The following PTBP2 variants were observed in gnomAD, a reference collection of about 807,000 sequenced individuals.
PTBP2 encodes polypyrimidine tract binding protein 2.
Under a neutral mutation model 61.4 loss-of-function variants are expected in PTBP2, and 13 were observed. That is an observed-to-expected ratio of 0.21 (90% CI 0.14 to 0.34). The LOEUF (loss-of-function observed/expected upper bound fraction) is 0.34, where lower values mean the gene tolerates loss of function less well. Ranked by LOEUF, PTBP2 falls within the 10% of genes least tolerant of loss-of-function variation. The pLI, the probability that PTBP2 is intolerant of heterozygous loss-of-function variation, is 1.00. For synonymous variants in PTBP2, 215 were observed against 218.5 expected, an observed-to-expected ratio of 0.98 and a Z score of 0.14; for missense variants, 405 against 642.6, an observed-to-expected ratio of 0.63 and a Z score of 4.00.
chr1:96,777,231 A>G (rs1005482710), intron 5 of PTBP2, among the ~76,000 whole-genome samples: 1 of 152,162 alleles, frequency 6.6e-6, no homozygotes, highest in Non-Finnish European at 1.5e-5. Context: ...TGGAGTGATT[A>G]ATGTTAAAGT....
intron 8 of PTBP2, among the ~76,000 whole-genome samples, chr1:96,786,003 T>C (rs1481498592): frequency 5.9e-5 from 9 of 152,144 alleles, no homozygotes; most frequent in Non-Finnish European, 1.2e-4. Flanking sequence ...TAGAGTTTCC[T>C]TTTATTTGAT....
In PTBP2 at chr1:96,758,201, T is replaced by A. The variant is rs543306486; in HGVS notation, c.115+6701T>A. Among the ~76,000 whole-genome samples, 4 of 152,052 alleles carry A rather than the reference T, an allele frequency of 2.6e-5. No homozygotes were observed. In the South Asian group the frequency reaches 8.3e-4, roughly 31 times the overall value. ...TCAGCAACTTAGATGAAAAGTTTCT[T>A]GACAAATGCAAAACTGACTTAAGTA... is the stretch of plus-strand genomic sequence containing the variant. On this transcript the variant is annotated intron_variant, in intron 3 of 13. Transcript: ENST00000674951.
rs531730536 is a variant in PTBP2, at chr1:96,761,722, CTG to C, written c.116-7979_116-7978del. 2.1e-3 allele frequency among the ~76,000 whole-genome samples: 312 copies of C among 149,232 alleles called. 1 individual carries two copies. The highest frequency in any genetic ancestry group is 4.0e-3 in the Non-Finnish European group (272 of 67,876). ...GAAAAAAGAATAATCCGCTACTGTT[CTG>C]TTTTTTTTTGTTTGTTTTTTGTTTT... On this transcript the variant is annotated intron_variant, in intron 3 of 13. Transcript: ENST00000674951.
intron 4 of PTBP2, 134 bp from the exon 5 acceptor site, chr1:96,770,574 G>C (rs3762409): frequency 8.5e-6 from 7 of 827,348 alleles, no homozygotes; most frequent in Non-Finnish European, 1.3e-5. Context: ...TTCTAATTCT[G>C]CTTATCAGAA....
intron 2 of PTBP2, among the ~76,000 whole-genome samples, chr1:96,746,209 T>G (rs111564204): frequency 4.6e-5 from 7 of 152,328 alleles, no homozygotes; most frequent in African/African-American, 1.7e-4. Context: ...TATATATTAC[T>G]AGTGTGTAAA....
At chr1:96,783,241 T>A in intron 7 of PTBP2, among the ~76,000 whole-genome samples, 1 of 152,060 alleles carries the variant, frequency 6.6e-6, no homozygotes, top group Admixed American at 6.6e-5. Context: ...ATTTTTGCTC[T>A]CATACACCCT....
At chr1:96,776,980 T>C (rs975098780) in intron 5 of PTBP2, among the ~76,000 whole-genome samples, 1 of 152,066 alleles carries the variant, frequency 6.6e-6, no homozygotes, top group Non-Finnish European at 1.5e-5. Context: ...TACCATAAAA[T>C]GTATGGGAAA....
chr1:96,721,915 T>C lies in PTBP2; in HGVS notation c.8+43T>C, dbSNP rs756952411. On this transcript the variant is annotated intron_variant, in intron 1 of 13. Transcript: ENST00000674951. Reference sequence around the variant, plus strand: ...CGAGAAGGTGTGTGTGAGAGAGGAGTTGGACCGTCCTTCGGCCCGGTCCCG... The same window carrying C: ...CGAGAAGGTGTGTGTGAGAGAGGAGCTGGACCGTCCTTCGGCCCGGTCCCG... The C allele has an allele frequency of 5.4e-5, 84 of 1,564,800 alleles. No individual in the cohort carries two copies. The East Asian group carries it at 2.0e-3, about 36-fold the overall frequency.
chr1:96,811,056 C>CT lies in PTBP2; in HGVS notation c.1172-1645dup, dbSNP rs953809460. On this transcript the variant is annotated intron_variant, in intron 11 of 13. Transcript: ENST00000674951. ...GAGTGACAATCAGGAAGAGTGGACT[C>CT]TTTTTTTTTTTAATTTTTTTAAACA... Among the ~76,000 whole-genome samples the CT allele has an allele frequency of 5.7e-3, 808 of 142,432 alleles. 8 individuals carry two copies. Among genetic ancestry groups the CT allele is most frequent in the African/African-American group, 0.02 (759 of 38,890 alleles). 93.4% of individuals were successfully genotyped at this position (142,432 alleles called of 152,430 possible). A position where few individuals can be genotyped will look rare whatever the true frequency, so the allele number is the denominator to read the frequency against.
chr1:96,813,355 C>T lies in PTBP2; in HGVS notation c.1546C>T (p.Leu516Phe). 1 of 1,604,318 alleles carries T rather than the reference C, an allele frequency of 6.2e-7. No individual in the cohort carries two copies. Among genetic ancestry groups the T allele is most frequent in the Non-Finnish European group, 8.5e-7 (1 of 1,175,058 alleles). ...QALIDLHNYN[L>F]GENHHLRVSF... ...CTTGATTGATCTTCATAATTATAACCTTGGAGAAAACCATCATCTGAGAGT... is the reference window on the plus strand; with the variant it reads ...CTTGATTGATCTTCATAATTATAACTTTGGAGAAAACCATCATCTGAGAGT... Residue 516 changes from leucine (L) to phenylalanine (F), a missense_variant, in exon 14 of 14, where the codon CTT (leucine) becomes TTT (phenylalanine). Physicochemically the swap from Leu to Phe is conservative, Grantham distance 22. This residue lies in a region of PTBP2 where 21 missense variants were observed against 54.1 expected (regional missense o/e 0.39). Transcript: ENST00000674951.
At chr1:96,779,113 C>G (rs1325958600) in intron 7 of PTBP2, among the ~76,000 whole-genome samples, 2 of 152,078 alleles carry the variant, frequency 1.3e-5, no homozygotes, top group East Asian at 1.9e-4. Flanking sequence ...CTGCTTCTCA[C>G]TGGTTCTCGG....
chr1:96,808,178 T>G (rs780502647), intron 11 of PTBP2, among the ~76,000 whole-genome samples: 34 of 151,170 alleles, frequency 2.2e-4, no homozygotes, highest in Non-Finnish European at 4.6e-4. Flanking sequence ...ATGTAAAGAC[T>G]GTTTTATGTA....
At chr1:96,797,625 C>G (rs1316379674) in intron 8 of PTBP2, among the ~76,000 whole-genome samples, 2 of 152,060 alleles carry the variant, frequency 1.3e-5, no homozygotes, top group African/African-American at 4.8e-5. Flanking sequence ...CCATACACCC[C>G]CTGGATACTC....
intron 8 of PTBP2, among the ~76,000 whole-genome samples, chr1:96,802,946 G>A (rs530556321): frequency 6.6e-6 from 1 of 152,222 alleles, no homozygotes; most frequent in Non-Finnish European, 1.5e-5. Flanking sequence ...TACAATATGG[G>A]GAGGTCACTT....
intron 3 of PTBP2, among the ~76,000 whole-genome samples, chr1:96,762,867 C>T (rs1477127678): frequency 8.7e-5 from 13 of 150,148 alleles, no homozygotes; most frequent in African/African-American, 2.5e-4. Context: ...TCAGATGGGG[C>T]GGCCGGGCCG....
In PTBP2 at chr1:96,777,565, T is replaced by C. The variant is rs754203852; in HGVS notation, c.433-20T>C. The C allele has an allele frequency of 1.3e-6, 2 of 1,590,412 alleles. No individual in the cohort carries two copies. Among genetic ancestry groups the C allele is most frequent in the South Asian group, 2.3e-5 (2 of 87,008 alleles). On this transcript the variant is annotated intron_variant, in intron 5 of 13. Transcript: ENST00000674951. ...GACAATAATGGGTATGTTTCTAAAC[T>C]ACATAATCTTAATTTCCAGCGTGCT...
chr1:96,806,724 T>G (rs929292556), intron 10 of PTBP2, 142 bp from the exon 11 acceptor site: 7 of 703,100 alleles, frequency 1.0e-5, no homozygotes, highest in Non-Finnish European at 1.7e-5. Context: ...TGATCTTCTT[T>G]ATTCATTTGT....
At chr1:96,768,024 G>A (rs1656934262) in intron 3 of PTBP2, among the ~76,000 whole-genome samples, 1 of 152,044 alleles carries the variant, frequency 6.6e-6, no homozygotes, top group Admixed American at 6.6e-5. Flanking sequence ...AGTAAAATAT[G>A]ACTTAAGTAT....
At chr1:96,817,473 A>G (rs1286003876), downstream of PTBP2, 1 of 152,060 alleles carries the variant, frequency 6.6e-6, no homozygotes, top group Non-Finnish European at 1.5e-5. Context: ...TAAATTTTCT[A>G]GTTTCAGATT....
Sources: allele counts gnomAD v4.1 joint callset (sites outside exome capture counted in the v4.1 genomes callset), GRCh38; gene constraint gnomAD v4.1.1; regional missense constraint gnomAD v4.1.1; transcripts MANE v1.5; gene names NCBI Gene and HGNC (gene_info 2026-07-23, HGNC 2026-07-21).